Variants in SMYD3 observed in about 807,000 individuals in gnomAD.
SMYD3 encodes the protein histone-lysine N-methyltransferase SMYD3.
SMYD3 carries 36 observed loss-of-function variants against 57.7 expected under a neutral mutation model. That is an observed-to-expected ratio of 0.62 (90% CI 0.48 to 0.82). The LOEUF (loss-of-function observed/expected upper bound fraction) is 0.82. Among genes scored for constraint, SMYD3 ranks in the 40% least tolerant of loss-of-function variants. SMYD3 has a pLI of 0.00. For synonymous variants in SMYD3, 211 were observed against 195.0 expected, an observed-to-expected ratio of 1.08 and a Z score of -0.68; for missense variants, 515 against 538.8, an observed-to-expected ratio of 0.96 and a Z score of 0.44.
intron 5 of SMYD3, among the ~76,000 whole-genome samples, chr1:246,273,730 G>A (rs1432531249): frequency 1.3e-5 from 2 of 151,474 alleles, no homozygotes; most frequent in Non-Finnish European, 2.9e-5. Context: ...AATTACTGGT[G>A]CCCACTATCA....
At chr1:245,888,171 T>C (rs975728115) in intron 8 of SMYD3, among the ~76,000 whole-genome samples, 14 of 152,288 alleles carry the variant, frequency 9.2e-5, no homozygotes, top group African/African-American at 3.1e-4. Flanking sequence ...CCCAAGTGGG[T>C]TGTAAAAGCA....
intron 5 of SMYD3, among the ~76,000 whole-genome samples, chr1:246,315,624 T>C (rs1022921437): frequency 2.6e-5 from 4 of 152,172 alleles, no homozygotes; most frequent in Non-Finnish European, 4.4e-5. Context: ...CGCTGATACG[T>C]TGTTGGAACG....
At chr1:246,226,348 C>T in intron 5 of SMYD3, among the ~76,000 whole-genome samples, 1 of 152,284 alleles carries the variant, frequency 6.6e-6, no homozygotes, top group South Asian at 2.1e-4. Context: ...AAATATCATT[C>T]TTTTAAATTT....
At chr1:246,005,128 C>T (rs1471411106) in intron 5 of SMYD3, among the ~76,000 whole-genome samples, 1 of 152,144 alleles carries the variant, frequency 6.6e-6, no homozygotes, top group Non-Finnish European at 1.5e-5. Flanking sequence ...GTATTATATG[C>T]ATGAGCCACT....
chr1:246,167,502 GTTTTTTTTTC>G (rs1031622727), intron 5 of SMYD3, among the ~76,000 whole-genome samples: 5 of 147,038 alleles, frequency 3.4e-5, no homozygotes, highest in African/African-American at 1.2e-4. Context: ...CCTCATTACG[GTTTTTTTTTC>G]TTTTTTTTTT....
intron 8 of SMYD3, among the ~76,000 whole-genome samples, chr1:245,884,547 T>A (rs2052975930): frequency 6.6e-6 from 1 of 152,066 alleles, no homozygotes; most frequent in African/African-American, 2.4e-5. Flanking sequence ...AAGCTGGCCA[T>A]CCCACCCTAA....
chr1:246,047,921 A>AT (rs1392170682), intron 5 of SMYD3, among the ~76,000 whole-genome samples: 7 of 152,132 alleles, frequency 4.6e-5, no homozygotes, highest in Admixed American at 3.3e-4. Context: ...CCCACAGGGC[A>AT]TTTTTTAAAA....
chr1:246,485,074 A>G (rs1272560873), intron 1 of SMYD3, among the ~76,000 whole-genome samples: 3 of 137,852 alleles, frequency 2.2e-5, no homozygotes, highest in Admixed American at 7.5e-5. Context: ...TGCACTAGTT[A>G]CACCTGAAAA....
chr1:245,789,633 G>A (rs1318726896), intron 10 of SMYD3, among the ~76,000 whole-genome samples: 1 of 152,120 alleles, frequency 6.6e-6, no homozygotes, highest in Non-Finnish European at 1.5e-5. Flanking sequence ...AAATATTGGT[G>A]CCAAATGAAG....
intron 5 of SMYD3, among the ~76,000 whole-genome samples, chr1:246,049,547 C>T (rs1263511995): frequency 6.6e-6 from 1 of 151,796 alleles, no homozygotes; most frequent in Non-Finnish European, 1.5e-5. Context: ...CCTCGTGATC[C>T]GCCCATCTCG....
At chr1:246,506,913 C>T in intron 1 of SMYD3, 141 bp downstream of exon 1, 2 of 760,296 alleles carry the variant, frequency 2.6e-6, no homozygotes, top group Non-Finnish European at 1.9e-6. Context: ...CGGGCACACG[C>T]GCGTCAGGGG....
At chr1:245,783,497 T>C (rs916017432) in intron 10 of SMYD3, among the ~76,000 whole-genome samples, 12 of 152,042 alleles carry the variant, frequency 7.9e-5, no homozygotes, top group Non-Finnish European at 1.3e-4. Context: ...AAAGCAAGGA[T>C]GGCTGTCATC....
At chr1:246,475,166 G>A (rs533686143) in intron 1 of SMYD3, among the ~76,000 whole-genome samples, 111 of 151,412 alleles carry the variant, frequency 7.3e-4, no homozygotes, top group African/African-American at 2.6e-3. Context: ...AACCCCTGTC[G>A]ACTAAAACAC....
intron 5 of SMYD3, among the ~76,000 whole-genome samples, chr1:246,079,868 T>A (rs905003682): frequency 6.6e-6 from 1 of 152,244 alleles, no homozygotes; most frequent in African/African-American, 2.4e-5. Context: ...AAATGACATT[T>A]GTCAGCCATA....
chr1:246,165,513 C>T (rs2062192553), intron 5 of SMYD3, among the ~76,000 whole-genome samples: 3 of 152,002 alleles, frequency 2.0e-5, no homozygotes, highest in Admixed American at 6.6e-5. Flanking sequence ...TTGGGGATTT[C>T]GGGACAGAAA....
rs1263323827 is a variant in SMYD3, at chr1:246,202,083, T to G, written c.531+125118A>C. On this transcript the variant is annotated intron_variant, in intron 5 of 11. Transcript: ENST00000490107. This position sits in a 1 kb window ranked among gnomAD's most constrained non-coding sequence, Gnocchi z 4.1. ...GATACATACATAGAAAAACTGGAAA[T>G]ATGTACTGCAAAATAATAATTATTA... 6.6e-6 allele frequency among the ~76,000 whole-genome samples: 1 copy of G among 151,984 alleles called. No homozygotes were observed. The highest frequency in any genetic ancestry group is 1.9e-4 in the East Asian group (1 of 5,190).
chr1:245,920,809 T>G (rs2055868088), intron 7 of SMYD3, among the ~76,000 whole-genome samples: 2 of 152,196 alleles, frequency 1.3e-5, no homozygotes, highest in African/African-American at 4.8e-5. Flanking sequence ...ATTAAAAATT[T>G]AAATGTAAGA....
At chr1:246,468,215 C>T (rs1011709314) in intron 1 of SMYD3, among the ~76,000 whole-genome samples, 12 of 149,590 alleles carry the variant, frequency 8.0e-5, no homozygotes, top group Admixed American at 1.3e-4. Flanking sequence ...ATCCCAGGGA[C>T]GCAAAGATGG....
At chr1:246,040,152 G>A (rs947982087) in intron 5 of SMYD3, among the ~76,000 whole-genome samples, 6 of 152,128 alleles carry the variant, frequency 3.9e-5, no homozygotes, top group South Asian at 2.1e-4. Context: ...ATTCTAACAC[G>A]TGGTTTGCAA....
Sources: allele counts gnomAD v4.1 joint callset (sites outside exome capture counted in the v4.1 genomes callset), GRCh38; gene constraint gnomAD v4.1.1; non-coding constraint Gnocchi (gnomAD v3.1); transcripts MANE v1.5; gene names NCBI Gene and HGNC (gene_info 2026-07-23, HGNC 2026-07-21).